EVPLL: variants seen among roughly 807,000 people sequenced by gnomAD.
EVPLL encodes envoplakin like, also known as envoplakin-like protein.
Under a neutral mutation model 46.2 loss-of-function variants are expected in EVPLL, and 39 were observed. The observed-to-expected ratio is 0.84, with a 90% CI of 0.65 to 1.10. The LOEUF is 1.10. Among genes scored for constraint, EVPLL ranks in the 50% least tolerant of loss-of-function variants. The pLI is 0.00. For missense variants in EVPLL, 385 were observed against 412.6 expected, an observed-to-expected ratio of 0.93 and a Z score of 0.58; for synonymous variants, 156 against 165.8, an observed-to-expected ratio of 0.94 and a Z score of 0.46.
intron 4 of EVPLL, 137 bp from the exon 5 acceptor site, chr17:18,382,376 C>T (rs927278419): frequency 1.7e-5 from 21 of 1,207,208 alleles, no homozygotes; most frequent in Admixed American, 2.4e-5. Context: ...AGCTGCAGGG[C>T]GTGCACCCGG....
intron 4 of EVPLL, 57 bp from the exon 5 acceptor site, chr17:18,382,456 G>A: frequency 6.5e-7 from 1 of 1,545,436 alleles, no homozygotes; most frequent in Non-Finnish European, 8.7e-7. Flanking sequence ...AGACGTGTGG[G>A]GTTCTCTGGC....
At chr17:18,382,955 CCCA>C in intron 6 of EVPLL, 67 bp from the exon 7 acceptor site, 1 of 1,574,936 alleles carries the variant, frequency 6.3e-7, no homozygotes, top group African/African-American at 1.3e-5. Flanking sequence ...CTGAGCGCCG[CCCA>C]ATGGCGCCTT....
At chr17:18,387,575 A>T (rs2151632874) in intron 9 of EVPLL, among the ~76,000 whole-genome samples, 1 of 150,374 alleles carries the variant, frequency 6.7e-6, no homozygotes, top group Admixed American at 6.6e-5. Flanking sequence ...CCCAGACAAG[A>T]AGTGAACACA....
intron 8 of EVPLL, 53 bp downstream of exon 8, chr17:18,383,431 G>T: frequency 2.6e-6 from 4 of 1,544,276 alleles, no homozygotes; most frequent in Non-Finnish European, 3.5e-6. Flanking sequence ...CGGGGAAGGG[G>T]GGGGTGGACG....
intron 1 of EVPLL, among the ~76,000 whole-genome samples, chr17:18,379,463 G>A (rs1987489440): frequency 6.6e-6 from 1 of 152,224 alleles, no homozygotes; most frequent in South Asian, 2.1e-4. Context: ...CCCACCCAGG[G>A]TGGAGTGTGC....
At chr17:18,386,822 A>G (rs1221970757) in intron 9 of EVPLL, among the ~76,000 whole-genome samples, 1 of 151,924 alleles carries the variant, frequency 6.6e-6, no homozygotes. Context: ...GGTGCTGAAA[A>G]GGTGTTAGGG....
intron 4 of EVPLL, 92 bp from the exon 5 acceptor site, chr17:18,382,421 G>A: frequency 1.3e-6 from 2 of 1,517,156 alleles, no homozygotes; most frequent in Non-Finnish European, 1.8e-6. Context: ...CTGCCCAAAT[G>A]ACCAAGTCCA....
chr17:18,387,093 C>G (rs138322486), intron 9 of EVPLL, among the ~76,000 whole-genome samples: 5 of 147,050 alleles, frequency 3.4e-5, no homozygotes, highest in Non-Finnish European at 4.5e-5. Context: ...TAGAGACGGG[C>G]TTTCACCATG....
rs563024625 is a variant in EVPLL, at chr17:18,382,496, C to T, written c.347-17C>T. On this transcript the variant is annotated splice_polypyrimidine_tract_variant and intron_variant, in intron 4 of 10. Coordinates refer to ENST00000399134, the MANE Select transcript of EVPLL (RefSeq NM_001145127.2). ...CACCCTGGTCCTGTGGTGACTGAGC[C>T]GCCGGCTCTCCTGCAGAAGCTGGTC... The T allele has an allele frequency of 1.1e-4, 167 of 1,551,338 alleles. 2 individuals are homozygous for T. The African/African-American group carries it at 1.9e-3, about 18-fold the overall frequency.
In EVPLL at chr17:18,383,112, A is replaced by G; in HGVS notation, c.599A>G (p.Gln200Arg). Residue 200 changes from glutamine (Q) to arginine (R), a missense_variant, in exon 7 of 11, where the codon CAG (glutamine) becomes CGG (arginine). Gln to Arg is a conservative substitution (Grantham distance 43). Transcript: ENST00000399134. ...CTWQLSALAE[Q>R]QRRILQQDWS... ...TGGCAGCTGAGCGCCCTGGCGGAGCAGCAGCGCCGCATCCTGCAGCAGGAC... is the reference window on the plus strand; with the variant it reads ...TGGCAGCTGAGCGCCCTGGCGGAGCGGCAGCGCCGCATCCTGCAGCAGGAC... 6 of 1,549,486 alleles carry G rather than the reference A, an allele frequency of 3.9e-6. No homozygotes were observed. The highest frequency in any genetic ancestry group is 5.2e-6 in the Non-Finnish European group (6 of 1,153,796).
chr17:18,387,089 C>T (rs1466341135), intron 9 of EVPLL, among the ~76,000 whole-genome samples: 6 of 149,768 alleles, frequency 4.0e-5, no homozygotes, highest in Non-Finnish European at 8.9e-5. Context: ...TTAGTAGAGA[C>T]GGGCTTTCAC....
intron 9 of EVPLL, 95 bp from the exon 10 acceptor site, chr17:18,388,124 C>G: frequency 5.4e-6 from 1 of 186,512 alleles, no homozygotes; most frequent in East Asian, 4.6e-5. Context: ...TTAATCACAG[C>G]CAACCCTCAA....
At position 18,384,769 on chromosome 17, in the gene EVPLL, C is replaced by T. The variant is rs1032469455; in HGVS notation, c.876+1182C>T. ...AGAATAGAGCTGGGGCTTCCTTTTC[C>T]AGTGGGTGTGGTGCAGGGGGCACTG... is the stretch of plus-strand genomic sequence containing the variant. On this transcript the variant is annotated intron_variant, in intron 9 of 10. Transcript: ENST00000399134. Among the ~76,000 whole-genome samples, 9 of 152,254 alleles carry T rather than the reference C, an allele frequency of 5.9e-5. 1 individual carries two copies. Among genetic ancestry groups the T allele is most frequent in the Non-Finnish European group, 1.5e-5 (1 of 68,020 alleles).
In EVPLL at chr17:18,385,400, C is replaced by T. The variant is rs1987735710; in HGVS notation, c.876+1813C>T. On this transcript the variant is annotated intron_variant, in intron 9 of 10. Coordinates refer to ENST00000399134, the MANE Select transcript of EVPLL (RefSeq NM_001145127.2). ...TGACCTTGGCTTGGGCCCAAAGTAG[C>T]CGGGTACCCACTGGGGCTCTGCTTC... 2.0e-5 allele frequency among the ~76,000 whole-genome samples: 2 copies of T among 101,164 alleles called. 1 individual carries two copies. Among genetic ancestry groups the T allele is most frequent in the South Asian group, 5.5e-4 (2 of 3,666 alleles). The allele number at this position is 101,164 out of a possible 152,430, so 66.4% of individuals were successfully genotyped here. A position where few individuals can be genotyped will look rare whatever the true frequency, so the allele number is the denominator to read the frequency against.
rs1235525722 is a variant in EVPLL at position 18,388,482 on chromosome 17, A to G, written c.*40+194A>G. On this transcript the variant is annotated intron_variant, in intron 10 of 10. Transcript: ENST00000399134. The stretch of plus-strand genomic sequence containing the variant: ...GAGTGGGGTACCTGGGTTGACAAAC[A>G]GCTTCCTGTTCCTCTGGCTATGTGG... The G allele has an allele frequency of 2.8e-5, 14 of 502,796 alleles. No individual in the cohort carries two copies. In the East Asian group the frequency reaches 4.3e-4, roughly 15 times the overall value. 31.1% of individuals were successfully genotyped at this position (502,796 alleles called of 1,614,324 possible). A position where few individuals can be genotyped will look rare whatever the true frequency, so the allele number is the denominator to read the frequency against.
rs748281950 is a variant in EVPLL, at chr17:18,381,721, G to A, written c.337G>A (p.Ala113Thr). The change falls in exon 4 of 11, where the codon GCA (alanine) becomes ACA (threonine). Residue 113 changes from alanine to threonine, a missense_variant. Transcript: ENST00000399134. The surrounding 1 kb of genome is among the most constrained non-coding windows in gnomAD (Gnocchi z 4.2). ...AGGTCGACTGGGCACACGTGCTGGAGCAGAAACAGGTCAGGAGCTCAAAGT... is the reference window on the plus strand; with the variant it reads ...AGGTCGACTGGGCACACGTGCTGGAACAGAAACAGGTCAGGAGCTCAAAGT... ...IQGRLGTRAG[A>T]ETEAGLRRPV... 1.2e-5 allele frequency: 20 copies of A among 1,614,078 alleles called. No homozygotes were observed. The highest frequency in any genetic ancestry group is 1.6e-4 in the Middle Eastern group (1 of 6,078).
intron 9 of EVPLL, among the ~76,000 whole-genome samples, chr17:18,384,934 G>C (rs1987720849): frequency 6.6e-6 from 1 of 151,010 alleles, no homozygotes; most frequent in Non-Finnish European, 1.5e-5. Context: ...AGAGATGGGG[G>C]AGAGACAGAG....
intron 1 of EVPLL, chr17:18,380,047 A>G (rs1354030527): frequency 6.6e-6 from 1 of 152,326 alleles, no homozygotes; most frequent in Admixed American, 6.5e-5. Flanking sequence ...GGGGGGGCCC[A>G]TCCTTTGACC....
intron 9 of EVPLL, among the ~76,000 whole-genome samples, chr17:18,387,308 G>A (rs1987799789): frequency 6.6e-6 from 1 of 151,780 alleles, no homozygotes; most frequent in Non-Finnish European, 1.5e-5. Flanking sequence ...TCCATATATT[G>A]GTCATACCCC....
Sources: allele counts gnomAD v4.1 joint callset (sites outside exome capture counted in the v4.1 genomes callset), GRCh38; gene constraint gnomAD v4.1.1; non-coding constraint Gnocchi (gnomAD v3.1); transcripts MANE v1.5; gene names NCBI Gene and HGNC (gene_info 2026-07-23, HGNC 2026-07-21).